DOC2B: variants seen among roughly 807,000 people sequenced by gnomAD.
DOC2B encodes double C2-like domain-containing protein beta.
Under a neutral mutation model 28.9 loss-of-function variants are expected in DOC2B, and 21 were observed. The observed-to-expected ratio is 0.73, with a 90% CI of 0.52 to 1.05. The LOEUF (loss-of-function observed/expected upper bound fraction) is 1.05, where lower values mean the gene tolerates loss of function less well. Ranked by LOEUF, DOC2B falls within the 50% of genes least tolerant of loss-of-function variation. The pLI, the probability that DOC2B is intolerant of heterozygous loss-of-function variation, is 0.00. For synonymous variants in DOC2B, 194 were observed against 178.1 expected (o/e 1.09, Z -0.71); for missense variants, 384 against 421.1 (o/e 0.91, Z 0.77).
chr17:155,048 A>G (rs2040118310), intron 6 of DOC2B, among the ~76,000 whole-genome samples: 1 of 151,992 alleles, frequency 6.6e-6, no homozygotes, highest in African/African-American at 2.4e-5. Flanking sequence ...ACTATTTTTA[A>G]CTGTAGAGAC....
At chr17:161,797 GA>G (rs1035990294) in intron 4 of DOC2B, among the ~76,000 whole-genome samples, 17 of 152,346 alleles carry the variant, frequency 1.1e-4, no homozygotes, top group Non-Finnish European at 1.9e-4. Context: ...GAGTAGCCAG[GA>G]GGCTGGGAGA....
intron 3 of DOC2B, among the ~76,000 whole-genome samples, chr17:163,272 C>A (rs959601159): frequency 2.0e-5 from 3 of 152,146 alleles, no homozygotes; most frequent in Non-Finnish European, 4.4e-5. Flanking sequence ...AGCATAAGGG[C>A]ATCAAGACCC....
In DOC2B at chr17:156,383, G is replaced by A. The variant is rs1555522546; in HGVS notation, c.766-6C>T. The A allele has an allele frequency of 6.4e-7, 1 of 1,551,138 alleles. No homozygotes were observed. The highest frequency in any genetic ancestry group is 2.4e-5 in the East Asian group (1 of 40,876). Reference sequence around the variant, plus strand: ...TTGTCTTCAGTCTTGTCCACCTGTTGGACGGGACGGTCACTCAGTCCTCAC... The same window carrying A: ...TTGTCTTCAGTCTTGTCCACCTGTTAGACGGGACGGTCACTCAGTCCTCAC... On this transcript the variant is annotated splice_polypyrimidine_tract_variant and splice_region_variant and intron_variant, in intron 5 of 8. Transcript: ENST00000613549.
chr17:160,475 G>A (rs2040188204), intron 5 of DOC2B, among the ~76,000 whole-genome samples: 1 of 152,246 alleles, frequency 6.6e-6, no homozygotes, highest in African/African-American at 2.4e-5. Context: ...TAAGCTCGAG[G>A]TGAGTCCACG....
chr17:163,192 T>C (rs1555523469), intron 3 of DOC2B, among the ~76,000 whole-genome samples: 1 of 152,194 alleles, frequency 6.6e-6, no homozygotes, highest in East Asian at 1.9e-4. Context: ...GTCCCACAAA[T>C]GAAGGGTCAC....
At chr17:154,128 T>G (rs1462084237) in intron 6 of DOC2B, among the ~76,000 whole-genome samples, 1 of 151,524 alleles carries the variant, frequency 6.6e-6, no homozygotes, top group Non-Finnish European at 1.5e-5. Flanking sequence ...CACTCCTTCT[T>G]AGGGCTGATA....
chr17:157,285 CA>C (rs765234849), intron 5 of DOC2B, among the ~76,000 whole-genome samples: 2 of 152,200 alleles, frequency 1.3e-5, no homozygotes, highest in Non-Finnish European at 2.9e-5. Context: ...CCTCAGTGTT[CA>C]CCGTTGATAA....
At chr17:159,517 G>A (rs147183595) in intron 5 of DOC2B, among the ~76,000 whole-genome samples, 2,390 of 152,264 alleles carry the variant, frequency 0.016, 54 homozygotes, top group African/African-American at 0.055. Flanking sequence ...CCAGCTACTC[G>A]GGAGGCTGAG....
chr17:161,631 C>A, intron 4 of DOC2B, 90 bp from the exon 5 acceptor site: 2 of 1,524,792 alleles, frequency 1.3e-6, no homozygotes, highest in Non-Finnish European at 8.8e-7. Context: ...GCCCTGGCTT[C>A]TCCTGCCCCA....
rs373002313 is a variant in DOC2B at position 158,210 on chromosome 17, C to T, written c.766-1833G>A. Among the ~76,000 whole-genome samples, 94 of 152,228 alleles carry T rather than the reference C, an allele frequency of 6.2e-4. 1 individual carries two copies. Among genetic ancestry groups the T allele is most frequent in the African/African-American group, 2.1e-3 (89 of 41,542 alleles). On this transcript the variant is annotated intron_variant, in intron 5 of 8. Transcript: ENST00000613549. ...CATTCCTTGCCCTCCCGAGACTACCCGGCTTCTTCCTTCTGGCTGCTGCAC... is the reference window on the plus strand; with the variant it reads ...CATTCCTTGCCCTCCCGAGACTACCTGGCTTCTTCCTTCTGGCTGCTGCAC...
chr17:174,770 T>C (rs2040350669), intron 1 of DOC2B, among the ~76,000 whole-genome samples: 1 of 152,200 alleles, frequency 6.6e-6, no homozygotes, highest in South Asian at 2.1e-4. Flanking sequence ...AATAATTGTT[T>C]CTCCCATGAG....
intron 2 of DOC2B, among the ~76,000 whole-genome samples, chr17:168,693 C>G (rs892702715): frequency 1.4e-5 from 2 of 144,114 alleles, no homozygotes; most frequent in Non-Finnish European, 3.0e-5. Context: ...ATACGTCTCA[C>G]GAGATCTCAT....
intron 6 of DOC2B, among the ~76,000 whole-genome samples, chr17:153,150 G>C (rs1412994436): frequency 1.3e-5 from 2 of 152,186 alleles, no homozygotes; most frequent in African/African-American, 4.8e-5. Flanking sequence ...GCCTGTCTTT[G>C]AAAGGCCACG....
chr17:148,045 T>G (rs1443969557), intron 8 of DOC2B, 128 bp downstream of exon 8: 5 of 396,304 alleles, frequency 1.3e-5, no homozygotes, highest in Admixed American at 8.8e-5. Context: ...CTGGAGAAGG[T>G]CTGAGGCCCC....
rs750276664 is a variant in DOC2B at position 162,220 on chromosome 17, A to G, written c.529-30T>C. The G allele has an allele frequency of 7.4e-6, 11 of 1,491,976 alleles. 1 individual carries two copies. In the South Asian group the frequency reaches 1.2e-4, roughly 16 times the overall value. The allele number at this position is 1,491,976 out of a possible 1,614,324, so 92.4% of individuals were successfully genotyped here. ...AGAAGAGAAAAATGATCTTATTAGCATCAAAGTGTGTATCAAACAGAACAA... is the reference window on the plus strand; with the variant it reads ...AGAAGAGAAAAATGATCTTATTAGCGTCAAAGTGTGTATCAAACAGAACAA... On this transcript the variant is annotated intron_variant, in intron 3 of 8. Transcript: ENST00000613549.
intron 1 of DOC2B, among the ~76,000 whole-genome samples, 193 bp downstream of exon 1, chr17:180,914 G>A (rs2040433434): frequency 6.6e-6 from 1 of 151,874 alleles, no homozygotes; most frequent in South Asian, 2.1e-4. Flanking sequence ...GGTCGGGGGA[G>A]GGCTCGAGGC....
At chr17:153,570 GC>G (rs1025161791) in intron 6 of DOC2B, among the ~76,000 whole-genome samples, 7 of 152,032 alleles carry the variant, frequency 4.6e-5, no homozygotes, top group African/African-American at 7.2e-5. Flanking sequence ...GCGTGGTGGC[GC>G]ATGCCTGTAA....
chr17:158,873 C>T (rs112354759), intron 5 of DOC2B, among the ~76,000 whole-genome samples: 5,029 of 152,090 alleles, frequency 0.033, 138 homozygotes, highest in Non-Finnish European at 0.045. Flanking sequence ...GGTGAAACCC[C>T]ATCTCTACTA....
chr17:181,552 C>A lies in DOC2B; in HGVS notation c.-73G>T. On this transcript the variant is annotated 5_prime_UTR_variant, in exon 1 of 9. Transcript: ENST00000613549. This position sits in a 1 kb window ranked among gnomAD's most constrained non-coding sequence, Gnocchi z 7.0. ...CCGGCCCGGGGGCGGCTCAGCAGGC[C>A]CGGCGGGGCGCGGCGGGGGCTGCGG... The A allele has an allele frequency of 1.2e-6, 1 of 843,904 alleles. No individual in the cohort carries two copies. The highest frequency in any genetic ancestry group is 1.4e-6 in the Non-Finnish European group (1 of 704,128). The allele number at this position is 843,904 out of a possible 1,614,324, so 52.3% of individuals were successfully genotyped here. A position where few individuals can be genotyped will look rare whatever the true frequency, so the allele number is the denominator to read the frequency against.
Sources: gnomAD v4.1 joint callset for allele counts (sites outside exome capture counted in the v4.1 genomes callset) on GRCh38, gnomAD v4.1.1 for gene constraint, Gnocchi (gnomAD v3.1) non-coding constraint, MANE v1.5 for transcripts, NCBI Gene and HGNC (gene_info 2026-07-23, HGNC 2026-07-21) for gene names.